The following IL15 variants were observed in gnomAD, a reference collection of about 807,000 sequenced individuals.
IL15 encodes the protein interleukin-15.
A neutral mutation model predicts 19.6 loss-of-function variants in IL15; 11 were observed. That is an observed-to-expected ratio of 0.56 (90% CI 0.35 to 0.93). The LOEUF (loss-of-function observed/expected upper bound fraction) is 0.93, where lower values mean the gene tolerates loss of function less well. Ranked by LOEUF, IL15 falls within the 40% of genes least tolerant of loss-of-function variation. The pLI is 0.01. For missense variants in IL15, 197 were observed against 186.5 expected (o/e 1.06, Z -0.33); for synonymous variants, 58 against 59.6 (o/e 0.97, Z 0.12).
At chr4:141,657,310 G>T (rs185687038) in intron 2 of IL15, among the ~76,000 whole-genome samples, 1 of 152,174 alleles carries the variant, frequency 6.6e-6, no homozygotes, top group African/African-American at 2.4e-5. Flanking sequence ...GTGAGTGGTG[G>T]GGGAATGTGA....
At chr4:141,686,015 G>C (rs1164556759) in intron 2 of IL15, among the ~76,000 whole-genome samples, 1 of 152,084 alleles carries the variant, frequency 6.6e-6, no homozygotes, top group Non-Finnish European at 1.5e-5. Flanking sequence ...GGGCACAGTA[G>C]GCTGGGCGCA....
chr4:141,672,465 C>T (rs569751690), intron 2 of IL15, among the ~76,000 whole-genome samples: 9 of 152,218 alleles, frequency 5.9e-5, no homozygotes, highest in African/African-American at 1.7e-4. Context: ...AACTAGACAG[C>T]CTTACTTTTC....
intron 6 of IL15, among the ~76,000 whole-genome samples, chr4:141,728,207 G>C (rs909127277): frequency 3.3e-5 from 5 of 152,074 alleles, no homozygotes; most frequent in Admixed American, 6.5e-5. Flanking sequence ...AATATTAAAA[G>C]AGTCTTTTCC....
At chr4:141,706,165 C>T (rs1729507811) in intron 2 of IL15, among the ~76,000 whole-genome samples, 1 of 151,632 alleles carries the variant, frequency 6.6e-6, no homozygotes, top group Non-Finnish European at 1.5e-5. Flanking sequence ...TTGTTTATCT[C>T]TGTGGTTTGG....
intron 1 of IL15, among the ~76,000 whole-genome samples, chr4:141,645,636 C>A (rs868813542): frequency 8.5e-5 from 13 of 152,156 alleles, no homozygotes; most frequent in South Asian, 8.3e-4. Context: ...AATAGACTAC[C>A]CCAACACTTA....
chr4:141,650,295 T>G (rs567853425), intron 1 of IL15, among the ~76,000 whole-genome samples: 8 of 152,194 alleles, frequency 5.3e-5, no homozygotes, highest in African/African-American at 1.9e-4. Flanking sequence ...ATAGTAGAAT[T>G]TGGGTGGTAC....
chr4:141,720,707 A>C, intron 4 of IL15, 141 bp downstream of exon 4: 1 of 668,884 alleles, frequency 1.5e-6, no homozygotes, highest in South Asian at 1.7e-5. Context: ...AAGGCAGACT[A>C]CAGAGATTTA....
At chr4:141,638,778 G>A (rs1000647111) in intron 1 of IL15, among the ~76,000 whole-genome samples, 2 of 152,204 alleles carry the variant, frequency 1.3e-5, no homozygotes, top group African/African-American at 2.4e-5. Flanking sequence ...AGCTAGAAGA[G>A]CAGCCCTGAA....
At chr4:141,689,362 G>C (rs761971379) in intron 2 of IL15, among the ~76,000 whole-genome samples, 2 of 152,090 alleles carry the variant, frequency 1.3e-5, no homozygotes, top group Admixed American at 6.5e-5. Context: ...TGATTGGTGC[G>C]TTTACAATCC....
At chr4:141,721,844 T>C in intron 4 of IL15, 80 bp from the exon 5 acceptor site, 1 of 1,233,164 alleles carries the variant, frequency 8.1e-7, no homozygotes, top group Non-Finnish European at 1.1e-6. Context: ...ATAAAAATTA[T>C]TGATTGCTCT....
intron 2 of IL15, among the ~76,000 whole-genome samples, chr4:141,676,403 T>C (rs1006763959): frequency 2.0e-5 from 3 of 152,186 alleles, no homozygotes; most frequent in Admixed American, 6.5e-5. Flanking sequence ...TTTTGGACAA[T>C]GCCCTTGGCC....
At chr4:141,723,638 T>C (rs771142109) in intron 5 of IL15, among the ~76,000 whole-genome samples, 65 of 152,324 alleles carry the variant, frequency 4.3e-4, no homozygotes, top group Middle Eastern at 3.4e-3. Context: ...AGCTCTAGAC[T>C]GATACACATG....
In IL15 at chr4:141,720,478, T is replaced by A; in HGVS notation, c.22T>A (p.Leu8Met). The A allele has an allele frequency of 6.4e-7, 1 of 1,566,814 alleles. No individual in the cohort carries two copies. Residue 8 changes from leucine (L) to methionine (M), a missense_variant, in exon 4 of 8, where the codon TTG becomes ATG. Coordinates refer to ENST00000320650, the MANE Select transcript of IL15 (RefSeq NM_000585.5). ...TGATTATATTTTTCAGAAACCACAT[T>A]TGAGAAGTATTTCCATCCAGTGCTA... MRISKPH[L>M]RSISIQCYLC... is the part of the protein sequence containing the mutation.
At chr4:141,728,282 G>T (rs1730336435) in intron 6 of IL15, among the ~76,000 whole-genome samples, 1 of 151,998 alleles carries the variant, frequency 6.6e-6, no homozygotes, top group Non-Finnish European at 1.5e-5. Context: ...GCAATTAGAT[G>T]CAAAAATCAG....
At chr4:141,651,130 T>C (rs1332916667) in intron 1 of IL15, among the ~76,000 whole-genome samples, 1 of 151,860 alleles carries the variant, frequency 6.6e-6, no homozygotes, top group Non-Finnish European at 1.5e-5. Flanking sequence ...CCAAAGAGAT[T>C]CCACAGTGTG....
chr4:141,707,596 T>A (rs1373625773), intron 2 of IL15, among the ~76,000 whole-genome samples: 1 of 152,254 alleles, frequency 6.6e-6, no homozygotes. Flanking sequence ...TTCAGCATGG[T>A]GAATGGCTTT....
intron 7 of IL15, among the ~76,000 whole-genome samples, chr4:141,732,187 G>A (rs1391426544): frequency 6.6e-6 from 1 of 152,198 alleles, no homozygotes; most frequent in Non-Finnish European, 1.5e-5. Context: ...GAGCCCAGGG[G>A]TTCAGAGAAG....
At chr4:141,657,698 C>T (rs917562461) in intron 2 of IL15, among the ~76,000 whole-genome samples, 5 of 152,160 alleles carry the variant, frequency 3.3e-5, no homozygotes, top group African/African-American at 1.2e-4. Flanking sequence ...TTCTCCTCCA[C>T]GTCCTATCTC....
chr4:141,721,827 G>A (rs373190828), intron 4 of IL15, 97 bp from the exon 5 acceptor site: 15 of 1,068,508 alleles, frequency 1.4e-5, no homozygotes, highest in Non-Finnish European at 2.0e-5. Flanking sequence ...TTTTTTCACT[G>A]GTCAGAATAA....
Sources: gnomAD v4.1 joint callset for allele counts (sites outside exome capture counted in the v4.1 genomes callset) on GRCh38, gnomAD v4.1.1 for gene constraint, MANE v1.5 for transcripts, NCBI Gene and HGNC (gene_info 2026-07-23, HGNC 2026-07-21) for gene names.